Variants in MMP16 observed in about 807,000 individuals in gnomAD.
MMP16 encodes matrix metalloproteinase-16.
A neutral mutation model predicts 67.8 loss-of-function variants in MMP16; 12 were observed. The observed-to-expected ratio is 0.18, with a 90% CI of 0.11 to 0.29. The LOEUF (loss-of-function observed/expected upper bound fraction) is 0.29. Ranked by LOEUF, MMP16 falls within the 10% of genes least tolerant of loss-of-function variation. MMP16 has a pLI of 1.00. For missense variants in MMP16, 475 were observed against 765.7 expected (o/e 0.62, Z 4.48); for synonymous variants, 249 against 255.9 (o/e 0.97, Z 0.26).
intron 1 of MMP16, among the ~76,000 whole-genome samples, chr8:88,303,922 G>A (rs1385911108): frequency 1.3e-5 from 2 of 152,178 alleles, no homozygotes; most frequent in Non-Finnish European, 2.9e-5. Flanking sequence ...CTCCAGCAAA[G>A]GCGCAGAACT....
At chr8:88,228,504 C>T (rs1809806588) in intron 1 of MMP16, among the ~76,000 whole-genome samples, 1 of 151,880 alleles carries the variant, frequency 6.6e-6, no homozygotes, top group Non-Finnish European at 1.5e-5. Context: ...TTACCAATGA[C>T]AATAAAAATG....
intron 6 of MMP16, among the ~76,000 whole-genome samples, chr8:88,101,464 A>G (rs1279670726): frequency 4.6e-5 from 7 of 151,892 alleles, no homozygotes; most frequent in Admixed American, 4.6e-4. Context: ...AGGATTATGA[A>G]TAAGGAGGTT....
chr8:88,281,413 A>G (rs960590298), intron 1 of MMP16, among the ~76,000 whole-genome samples: 2 of 152,232 alleles, frequency 1.3e-5, no homozygotes, highest in African/African-American at 4.8e-5. Context: ...TGGAAGGGTC[A>G]GAGGAAGGTG....
chr8:88,257,147 T>A (rs1810315995), intron 1 of MMP16, among the ~76,000 whole-genome samples: 1 of 152,226 alleles, frequency 6.6e-6, no homozygotes, highest in South Asian at 2.1e-4. Flanking sequence ...TTTCACTTGA[T>A]CTATACTGAG....
intron 7 of MMP16, among the ~76,000 whole-genome samples, chr8:88,056,566 C>G (rs1808335714): frequency 6.6e-6 from 1 of 151,844 alleles, no homozygotes; most frequent in South Asian, 2.1e-4. Flanking sequence ...ATAACTTTGC[C>G]ATAAAGAAAC....
At chr8:88,249,041 G>T (rs1191156951) in intron 1 of MMP16, among the ~76,000 whole-genome samples, 3 of 151,888 alleles carry the variant, frequency 2.0e-5, no homozygotes, top group Non-Finnish European at 4.4e-5. Context: ...GTTGGCTGGG[G>T]ATGAATCAGG....
chr8:88,280,122 G>A (rs1295159055), intron 1 of MMP16, among the ~76,000 whole-genome samples: 4 of 152,108 alleles, frequency 2.6e-5, no homozygotes, highest in Non-Finnish European at 4.4e-5. Flanking sequence ...TTTCTGAGCT[G>A]ACAAACACTG....
At chr8:88,138,149 C>G (rs983436951) in intron 4 of MMP16, among the ~76,000 whole-genome samples, 2 of 151,818 alleles carry the variant, frequency 1.3e-5, no homozygotes, top group Non-Finnish European at 2.9e-5. Flanking sequence ...TACTGAATAC[C>G]AGGCAGTGTG....
chr8:88,324,506 A>G (rs1299524408), intron 1 of MMP16, among the ~76,000 whole-genome samples: 1 of 152,158 alleles, frequency 6.6e-6, no homozygotes, highest in Non-Finnish European at 1.5e-5. Context: ...GTCAGCATAA[A>G]AAGCATCCCC....
chr8:88,117,531 G>A (rs753380758), intron 5 of MMP16, among the ~76,000 whole-genome samples: 2 of 152,048 alleles, frequency 1.3e-5, no homozygotes, highest in African/African-American at 4.8e-5. Flanking sequence ...GAGGTCATGA[G>A]AAAGAGACTT....
intron 1 of MMP16, among the ~76,000 whole-genome samples, chr8:88,245,677 C>T (rs1810103114): frequency 6.6e-6 from 1 of 152,122 alleles, no homozygotes; most frequent in East Asian, 1.9e-4. Flanking sequence ...TTTTTGGCAT[C>T]ACTACAGGCC....
chr8:88,041,672 C>G lies in MMP16; in HGVS notation c.1613G>C (p.Arg538Thr). The change falls in exon 10 of 10, where the codon AGA becomes ACA. Residue 538 changes from arginine (R) to threonine (T), a missense_variant. Coordinates refer to ENST00000286614, the MANE Select transcript of MMP16 (RefSeq NM_005941.5). The surrounding 1 kb of genome is among the most constrained non-coding windows in gnomAD (Gnocchi z 6.0). The part of the protein sequence containing the change: ...DFMGCDGPTD[R>T]VKEGHSPPDD... Reference sequence around the variant, plus strand: ...TGGTGGGCTGTGTCCTTCTTTAACTCTGTCTGTTGGTCCATCACAGCCCAT... The same window carrying G: ...TGGTGGGCTGTGTCCTTCTTTAACTGTGTCTGTTGGTCCATCACAGCCCAT... 1.9e-6 allele frequency: 3 copies of G among 1,614,048 alleles called. No individual in the cohort carries two copies. The highest frequency in any genetic ancestry group is 1.7e-4 in the Middle Eastern group (1 of 6,044).
chr8:88,311,496 G>T (rs1436603501), intron 1 of MMP16, among the ~76,000 whole-genome samples: 1 of 152,104 alleles, frequency 6.6e-6, no homozygotes, highest in African/African-American at 2.4e-5. Flanking sequence ...GCTATTTTTT[G>T]TTAAGCCAGA....
rs529255311 is a variant in MMP16 at position 88,036,223 on chromosome 8, C to T, written c.*5238G>A. 1.2e-4 allele frequency: 19 copies of T among 152,034 alleles called. No individual in the cohort carries two copies. The highest frequency in any genetic ancestry group is 4.6e-4 in the African/African-American group (19 of 41,542). The allele number at this position is 152,034 out of a possible 1,614,324, so 9.4% of individuals were successfully genotyped here. A position where few individuals can be genotyped will look rare whatever the true frequency, so the allele number is the denominator to read the frequency against. On this transcript the variant is annotated 3_prime_UTR_variant, in exon 10 of 10. Coordinates refer to ENST00000286614, the MANE Select transcript of MMP16 (RefSeq NM_005941.5). ...GTTTAAGCACAGTAACATCTAATGA[C>T]CACTGGCTAAATATTACATTGATAT...
intron 1 of MMP16, among the ~76,000 whole-genome samples, chr8:88,262,206 A>G (rs1810398488): frequency 6.6e-6 from 1 of 152,246 alleles, no homozygotes; most frequent in African/African-American, 2.4e-5. Flanking sequence ...AGTGAGATGT[A>G]TTATTATTAC....
At chr8:88,166,085 C>T (rs974860346) in intron 4 of MMP16, among the ~76,000 whole-genome samples, 13 of 152,030 alleles carry the variant, frequency 8.6e-5, no homozygotes, top group South Asian at 6.2e-4. Flanking sequence ...TTTAACTCAA[C>T]CTAATTTATC....
At chr8:88,239,528 AAT>A (rs1810001724) in intron 1 of MMP16, among the ~76,000 whole-genome samples, 3 of 12,976 alleles carry the variant, frequency 2.3e-4, no homozygotes, top group East Asian at 4.3e-3. Flanking sequence ...AGTGTTATAA[AAT>A]TTTTTTTTTT....
At chr8:88,248,419 A>G (rs1341842881) in intron 1 of MMP16, among the ~76,000 whole-genome samples, 2 of 152,114 alleles carry the variant, frequency 1.3e-5, no homozygotes, top group Non-Finnish European at 2.9e-5. Flanking sequence ...AGATTGTGAA[A>G]TGTTCTCAGG....
chr8:88,128,254 A>T (rs1482715645), intron 4 of MMP16, among the ~76,000 whole-genome samples: 1 of 151,894 alleles, frequency 6.6e-6, no homozygotes, highest in East Asian at 1.9e-4. Flanking sequence ...CTTTCTAAGC[A>T]TACACATTTG....
Sources: gnomAD v4.1 joint callset for allele counts (sites outside exome capture counted in the v4.1 genomes callset) on GRCh38, gnomAD v4.1.1 for gene constraint, Gnocchi (gnomAD v3.1) non-coding constraint, MANE v1.5 for transcripts, NCBI Gene and HGNC (gene_info 2026-07-23, HGNC 2026-07-21) for gene names.